Variants in DGKZ observed in about 807,000 individuals in gnomAD.
DGKZ encodes diacylglycerol kinase zeta, also known as DAG kinase zeta.
In DGKZ, 45 loss-of-function variants were observed where a neutral mutation model predicts 142.5. The ratio of observed to expected loss-of-function variants is 0.32; its 90% CI spans 0.25 to 0.40. The LOEUF is 0.40. DGKZ is among the 10% of genes least tolerant of loss of function. The pLI, the probability that DGKZ is intolerant of heterozygous loss-of-function variation, is 1.00. For missense variants in DGKZ, 755 were observed against 1,306.5 expected (o/e 0.58, Z 6.51); for synonymous variants, 442 against 527.0 (o/e 0.84, Z 2.21).
At chr11:46,376,379 A>G (rs1373085683) in exon 23 of DGKZ, 1 of 1,614,052 alleles carries the variant, frequency 6.2e-7, no homozygotes, top group East Asian at 2.2e-5. Context: ...ACTGTCCCCC[A>G]AGTGGTGCTT....
chr11:46,366,860 C>A, intron 1 of DGKZ: 2 of 1,545,938 alleles, frequency 1.3e-6, no homozygotes, highest in Admixed American at 1.9e-5. Context: ...CCCTGGGGGC[C>A]GAAGAGCCTC....
Position 46,379,242 on chromosome 11 carries a change from T to G in DGKZ, c.2573+6T>G, listed in dbSNP as rs374731823. 5.0e-6 allele frequency: 8 copies of G among 1,603,580 alleles called. No individual in the cohort carries two copies. In the African/African-American group the frequency reaches 1.1e-4, roughly 21 times the overall value. On this transcript the variant is annotated splice_donor_region_variant and intron_variant, in intron 29 of 30. Transcript: ENST00000527911. Reference sequence around the variant, plus strand: ...CTTGATGCGGTGGAGGAAAAGTAAGTATCTGGGCAGTGCAGAACCGTGGTC... The same window carrying G: ...CTTGATGCGGTGGAGGAAAAGTAAGGATCTGGGCAGTGCAGAACCGTGGTC...
In DGKZ at chr11:46,374,213, C is replaced by T. The variant is rs777347165; in HGVS notation, c.1383C>T (p.Thr461=). 9 of 1,614,174 alleles carry T rather than the reference C, an allele frequency of 5.6e-6. No individual in the cohort carries two copies. Among genetic ancestry groups the T allele is most frequent in the Non-Finnish European group, 6.8e-6 (8 of 1,180,040 alleles). ...GCCTGGGCTTTGACGCCCACGTCAC[C>T]CTGGAGTTCCACGAGTCTCGAGGTT... is the stretch of plus-strand genomic sequence containing the variant. Residue 461 remains threonine, a synonymous_variant, in exon 15 of 31, where the codon ACC becomes ACT. Transcript: ENST00000527911.
At position 46,362,345 on chromosome 11, in the gene DGKZ, C is replaced by T. The variant is rs894236610; in HGVS notation, c.162-4946C>T. Among the ~76,000 whole-genome samples, 5 of 152,170 alleles carry T rather than the reference C, an allele frequency of 3.3e-5. 1 individual carries two copies. Among genetic ancestry groups the T allele is most frequent in the Admixed American group, 1.3e-4 (2 of 15,282 alleles). On this transcript the variant is annotated intron_variant, in intron 1 of 30. Transcript: ENST00000527911. ...GGTGCAGAGGGCATTCCTCATGGCACGAGCAGATACCCAGGTGACACCTGT... is the reference window on the plus strand; with the variant it reads ...GGTGCAGAGGGCATTCCTCATGGCATGAGCAGATACCCAGGTGACACCTGT...
intron 1 of DGKZ, among the ~76,000 whole-genome samples, chr11:46,334,368 A>G (rs112947487): frequency 0.01 from 1,563 of 152,338 alleles, 26 homozygotes; most frequent in African/African-American, 0.036. Flanking sequence ...CCACTAGGGC[A>G]GCTGCGGTCC....
chr11:46,379,753 T>A (rs1565093099), intron 30 of DGKZ, 78 bp from the exon 31 acceptor site: 1 of 1,415,080 alleles, frequency 7.1e-7, no homozygotes, highest in Non-Finnish European at 9.5e-7. Context: ...CACAGGGAGG[T>A]AGAGCCCCTG....
intron 1 of DGKZ, among the ~76,000 whole-genome samples, chr11:46,352,215 C>G (rs1941476626): frequency 6.6e-6 from 1 of 152,226 alleles, no homozygotes; most frequent in Non-Finnish European, 1.5e-5. Flanking sequence ...GGATCCGGAG[C>G]CCTTCCACCC....
At position 46,367,813 on chromosome 11, in the gene DGKZ, C is replaced by G. The variant is rs1315120155; in HGVS notation, c.366+66C>G. The G allele has an allele frequency of 1.3e-6, 2 of 1,596,198 alleles. No homozygotes were observed. The highest frequency in any genetic ancestry group is 2.2e-5 in the South Asian group (2 of 90,514). ...CCAGTAGCCGCAGCCCTTCCGGGAA[C>G]GTGGGATTGAGCCCGCTCCCTGGCA... On this transcript the variant is annotated intron_variant, in intron 3 of 30. Coordinates refer to ENST00000527911, the Ensembl canonical transcript of DGKZ. The surrounding 1 kb of genome is among the most constrained non-coding windows in gnomAD (Gnocchi z 4.1).
Position 46,363,615 on chromosome 11 carries a change from C to T in DGKZ, c.162-3676C>T, listed in dbSNP as rs543924028. 3.9e-5 allele frequency among the ~76,000 whole-genome samples: 6 copies of T among 152,326 alleles called. No individual in the cohort carries two copies. The South Asian group carries it at 1.2e-3, about 32-fold the overall frequency. ...CCTGTTGTCAGTGCAGGTCTGGGGC[C>T]GCAAGCTGGGCTCAGCCCTCACCGC... On this transcript the variant is annotated intron_variant, in intron 1 of 30. Transcript: ENST00000527911.
intron 1 of DGKZ, among the ~76,000 whole-genome samples, chr11:46,352,705 C>CA (rs1394942710): frequency 6.6e-6 from 1 of 152,218 alleles, no homozygotes; most frequent in Non-Finnish European, 1.5e-5. Flanking sequence ...GCAGTGTGTG[C>CA]AGGAAGCGGG....
chr11:46,347,721 C>T lies in DGKZ; in HGVS notation c.62C>T (p.Ser21Leu), dbSNP rs765514841. ...AGCGACTCCGAGTCGGCTTCCGCCT[C>T]GTCCAGCGGCTCCGAGCGCGACGCC... Residue 21 changes from serine (S) to leucine (L), a missense_variant, in exon 1 of 31, where the codon TCG becomes TTG. Transcript: ENST00000527911. This position sits in a 1 kb window ranked among gnomAD's most constrained non-coding sequence, Gnocchi z 6.4. The T allele has an allele frequency of 3.2e-5, 47 of 1,456,380 alleles. No individual in the cohort carries two copies. Among genetic ancestry groups the T allele is most frequent in the African/African-American group, 1.5e-5 (1 of 67,562 alleles). 90.2% of individuals were successfully genotyped at this position (1,456,380 alleles called of 1,614,324 possible). A position where few individuals can be genotyped will look rare whatever the true frequency, so the allele number is the denominator to read the frequency against.
intron 1 of DGKZ, among the ~76,000 whole-genome samples, chr11:46,353,304 C>A (rs1166388343): frequency 6.6e-6 from 1 of 152,094 alleles, no homozygotes; most frequent in Non-Finnish European, 1.5e-5. Flanking sequence ...TAGGAGTACT[C>A]TTTTCTTCTA....
intron 4 of DGKZ, chr11:46,368,852 T>TCTGCGTGTGAGGACCAGGCTGG (rs1943610002): frequency 5.8e-6 from 1 of 173,308 alleles, no homozygotes. Context: ...GCAGTGCAAG[T>TCTGCGTGTGAGGACCAGGCTGG]CTGCGTGTGA....
intron 1 of DGKZ, among the ~76,000 whole-genome samples, chr11:46,353,054 G>A (rs1941604118): frequency 6.6e-6 from 1 of 152,232 alleles, no homozygotes; most frequent in Non-Finnish European, 1.5e-5. Flanking sequence ...GGAGGGGAGG[G>A]AGAGGCTGAA....
At chr11:46,335,426 C>T (rs185224497) in intron 1 of DGKZ, among the ~76,000 whole-genome samples, 19 of 142,312 alleles carry the variant, frequency 1.3e-4, no homozygotes, top group East Asian at 7.7e-4. Flanking sequence ...CACACGTGCA[C>T]GCACACACAC....
chr11:46,365,335 T>G lies in DGKZ; in HGVS notation c.162-1956T>G, dbSNP rs567442329. ...AAGGGTTTCCCGGCATCACCCAGCT[T>G]CACCCTGGGGTATCCGTACTTTGTC... is the stretch of plus-strand genomic sequence containing the variant. On this transcript the variant is annotated intron_variant, in intron 1 of 30. Transcript: ENST00000527911. The G allele has an allele frequency of 3.0e-6, 3 of 985,390 alleles. No individual in the cohort carries two copies. In the East Asian group the frequency reaches 3.4e-4, roughly 112 times the overall value. The allele number at this position is 985,390 out of a possible 1,614,324, so 61.0% of individuals were successfully genotyped here.
upstream of DGKZ, chr11:46,345,352 C>T: frequency 1.4e-6 from 2 of 1,393,376 alleles, no homozygotes. The surrounding 1 kb of genome is among the most constrained non-coding windows in gnomAD (Gnocchi z 4.1). Flanking sequence ...AGCAGGCCCC[C>T]CCCTCGACCC....
intron 1 of DGKZ, chr11:46,365,632 G>T: frequency 2.0e-6 from 2 of 985,280 alleles, no homozygotes; most frequent in Non-Finnish European, 2.4e-6. Context: ...TGACCCCAAG[G>T]CTATGGGCTG....
chr11:46,377,285 C>A, intron 25 of DGKZ, 73 bp downstream of exon 25: 1 of 1,499,278 alleles, frequency 6.7e-7, no homozygotes, highest in East Asian at 2.4e-5. Flanking sequence ...TTCTGAATCC[C>A]TGCTTCTAGC....
Sources: gnomAD v4.1 joint callset for allele counts (sites outside exome capture counted in the v4.1 genomes callset) on GRCh38, gnomAD v4.1.1 for gene constraint, Gnocchi (gnomAD v3.1) non-coding constraint, MANE v1.5 for transcripts, NCBI Gene and HGNC (gene_info 2026-07-23, HGNC 2026-07-21) for gene names.